The following SHBG variants were observed in gnomAD, a reference collection of about 807,000 sequenced individuals.
The protein encoded by SHBG is sex hormone binding globulin.
A neutral mutation model predicts 41.9 loss-of-function variants in SHBG; 37 were observed. The ratio of observed to expected loss-of-function variants is 0.88; its 90% CI spans 0.68 to 1.16. The LOEUF is 1.16. Among genes scored for constraint, SHBG ranks in the 50% most tolerant of loss-of-function variants. The probability of loss-of-function intolerance (pLI) is 0.00; values close to 1 mark genes in which losing one functional copy is unlikely to be tolerated. For missense variants in SHBG, 466 were observed against 499.9 expected, an observed-to-expected ratio of 0.93 and a Z score of 0.65; for synonymous variants, 217 against 205.8, an observed-to-expected ratio of 1.05 and a Z score of -0.47.
chr17:7,630,125 A>C (rs1479709871), upstream of SHBG: 1 of 1,500,712 alleles, frequency 6.7e-7, no homozygotes, highest in Non-Finnish European at 9.3e-7. The surrounding 1 kb of genome is among the most constrained non-coding windows in gnomAD (Gnocchi z 4.6). Flanking sequence ...CTGCCTCTAC[A>C]CATTCTCCCA....
chr17:7,631,568 C>T (rs758472589), intron 4 of SHBG, 21 bp from the exon 5 acceptor site: 1 of 1,613,880 alleles, frequency 6.2e-7, no homozygotes, highest in Non-Finnish European at 8.5e-7. Context: ...ATCCCCGTAT[C>T]TTATCTCTGT....
chr17:7,623,147 C>T (rs2072130094), upstream of SHBG, among the ~76,000 whole-genome samples: 1 of 152,108 alleles, frequency 6.6e-6, no homozygotes, highest in Non-Finnish European at 1.5e-5. Context: ...AATCCCAGCA[C>T]TTTTGGAGGC....
chr17:7,632,701 C>T (rs369555292), intron 6 of SHBG, 51 bp from the exon 7 acceptor site: 151 of 1,440,422 alleles, frequency 1.0e-4, no homozygotes, highest in Non-Finnish European at 1.4e-4. Flanking sequence ...GCAGTAGGCC[C>T]GGCTCATTCT....
intron 1 of SHBG, among the ~76,000 whole-genome samples, chr17:7,616,922 G>A (rs1029499814): frequency 2.0e-5 from 3 of 152,026 alleles, no homozygotes; most frequent in South Asian, 2.1e-4. Flanking sequence ...GGCAAAAAGA[G>A]CGACACTCTG....
At chr17:7,631,494 C>A in intron 4 of SHBG, 95 bp from the exon 5 acceptor site, 1 of 1,562,312 alleles carries the variant, frequency 6.4e-7, no homozygotes, top group Non-Finnish European at 8.8e-7. Flanking sequence ...AGGCCAAATG[C>A]TCAGAGGGGA....
Position 7,631,335 on chromosome 17 carries a change from T to C in SHBG, c.529T>C (p.Phe177Leu). The change falls in exon 4 of 8, where the codon TTC becomes CTC. Residue 177 changes from phenylalanine to leucine, a missense_variant. Transcript: ENST00000380450. ...IMRIALGGLL[F>L]PASNLRLPLV... The stretch of plus-strand genomic sequence containing the variant: ...GAGGATTGCGCTTGGGGGGCTGCTC[T>C]TCCCCGCTTCCAACCTTCGGTTGCC... The C allele has an allele frequency of 6.2e-7, 1 of 1,613,650 alleles. No homozygotes were observed. Among genetic ancestry groups the C allele is most frequent in the South Asian group, 1.1e-5 (1 of 91,038 alleles).
At chr17:7,632,512 G>C (rs1443000383) in intron 6 of SHBG, among the ~76,000 whole-genome samples, 11 of 152,146 alleles carry the variant, frequency 7.2e-5, no homozygotes, top group Non-Finnish European at 1.6e-4. Flanking sequence ...GACATATCTT[G>C]AAGCTCCCCA....
At chr17:7,629,224 A>C (rs1453211044), upstream of SHBG, among the ~76,000 whole-genome samples, 1 of 151,370 alleles carries the variant, frequency 6.6e-6, no homozygotes, top group Non-Finnish European at 1.5e-5. Context: ...AAACACAAAA[A>C]AATTTGCTGG....
upstream of SHBG, chr17:7,626,912 T>C (rs771401804): frequency 9.4e-6 from 15 of 1,600,756 alleles, no homozygotes; most frequent in Non-Finnish European, 1.1e-5. Flanking sequence ...GGTGCTTTGC[T>C]CCCACCCCAG....
chr17:7,628,974 T>G (rs991575460), upstream of SHBG, among the ~76,000 whole-genome samples: 5 of 152,096 alleles, frequency 3.3e-5, no homozygotes, highest in African/African-American at 9.7e-5. Flanking sequence ...GAGAATCGCT[T>G]GAACCTGGGA....
chr17:7,628,884 C>T (rs1390883051), upstream of SHBG, among the ~76,000 whole-genome samples: 1 of 151,820 alleles, frequency 6.6e-6, no homozygotes, highest in East Asian at 2.0e-4. Flanking sequence ...GGTGAAACCC[C>T]GTCTCTACTA....
At chr17:7,620,552 C>T (rs2072073129) in intron 1 of SHBG, among the ~76,000 whole-genome samples, 1 of 152,012 alleles carries the variant, frequency 6.6e-6, no homozygotes, top group Admixed American at 6.6e-5. Flanking sequence ...AACTCCTGAC[C>T]TCAAGTGATC....
chr17:7,621,388 G>A (rs1205212645), intron 1 of SHBG, among the ~76,000 whole-genome samples: 2 of 141,230 alleles, frequency 1.4e-5, no homozygotes, highest in African/African-American at 5.3e-5. Flanking sequence ...TCTGAGGTCA[G>A]GAGTTTGAGA....
At chr17:7,615,409 C>T (rs1221755771) in intron 1 of SHBG, among the ~76,000 whole-genome samples, 3 of 152,336 alleles carry the variant, frequency 2.0e-5, no homozygotes, top group East Asian at 3.9e-4. Context: ...TGAGCTTTAC[C>T]CTCTTCGCGT....
chr17:7,618,758 C>A (rs1019860975), intron 1 of SHBG, among the ~76,000 whole-genome samples: 2 of 152,228 alleles, frequency 1.3e-5, no homozygotes, highest in Middle Eastern at 6.8e-3. Flanking sequence ...GGAAACAGGA[C>A]GTCAACACAA....
chr17:7,631,147 G>A (rs750659854), intron 3 of SHBG, 53 bp from the exon 4 acceptor site: 9 of 1,481,058 alleles, frequency 6.1e-6, no homozygotes, highest in Non-Finnish European at 8.1e-6. Flanking sequence ...TCACAGGAAG[G>A]TGGCAGAAAC....
intron 1 of SHBG, among the ~76,000 whole-genome samples, chr17:7,618,645 T>G (rs1371770208): frequency 1.3e-5 from 2 of 152,092 alleles, no homozygotes; most frequent in South Asian, 2.1e-4. Flanking sequence ...ACAGACATTT[T>G]CAGGCTTTTA....
Position 7,631,201 on chromosome 17 carries a change from T to TGGAA in SHBG, c.397_400dup (p.Val134GlyfsTer81). The TGGAA allele has an allele frequency of 2.6e-6, 4 of 1,551,422 alleles. No individual in the cohort carries two copies. The highest frequency in any genetic ancestry group is 3.5e-6 in the Non-Finnish European group (4 of 1,147,088). Reference sequence around the variant, plus strand: ...ATTTTGCTTCCCACCTTCCTGCAGGTGGAAGTCAAGATGGAGGGGGACTCT... The same window carrying TGGAA: ...ATTTTGCTTCCCACCTTCCTGCAGGTGGAAGGAAGTCAAGATGGAGGGGGACTCT... On this transcript the variant is annotated frameshift_variant and splice_region_variant, in exon 4 of 8. Transcript: ENST00000380450. LOFTEE classifies it high-confidence loss of function.
chr17:7,630,147 A>T lies in SHBG; in HGVS notation c.-26A>T, dbSNP rs773892671. 5 of 1,586,602 alleles carry T rather than the reference A, an allele frequency of 3.2e-6. 1 individual carries two copies. The South Asian group carries it at 4.4e-5, about 14-fold the overall frequency. On this transcript the variant is annotated 5_prime_UTR_variant, in exon 1 of 8. Transcript: ENST00000380450. This position sits in a 1 kb window ranked among gnomAD's most constrained non-coding sequence, Gnocchi z 4.6. ...TACACATTCTCCCAAGAGTTGTCTG[A>T]GCCGCCGAGTGGACAGTGGCTGATT...
Sources: allele counts gnomAD v4.1 joint callset (sites outside exome capture counted in the v4.1 genomes callset), GRCh38; gene constraint gnomAD v4.1.1; non-coding constraint Gnocchi (gnomAD v3.1); transcripts MANE v1.5; gene names NCBI Gene and HGNC (gene_info 2026-07-23, HGNC 2026-07-21).